IER3IP1: variants seen among roughly 807,000 people sequenced by gnomAD.
The protein encoded by IER3IP1 is immediate early response 3-interacting protein 1.
In IER3IP1, 16 loss-of-function variants were observed where a neutral mutation model predicts 12.2. The observed-to-expected ratio is 1.31, with a 90% CI of 0.89 to 1.99. The LOEUF (loss-of-function observed/expected upper bound fraction) is 1.99. Among genes scored for constraint, IER3IP1 ranks in the 30% most tolerant of loss-of-function variants. The pLI, the probability that IER3IP1 is intolerant of heterozygous loss-of-function variation, is 0.00. For missense variants in IER3IP1, 95 were observed against 95.8 expected, an observed-to-expected ratio of 0.99 and a Z score of 0.03; for synonymous variants, 42 against 40.0, an observed-to-expected ratio of 1.05 and a Z score of -0.19.
At chr18:47,158,892 GGT>G (rs1345894706) in intron 1 of IER3IP1, among the ~76,000 whole-genome samples, 3 of 152,028 alleles carry the variant, frequency 2.0e-5, no homozygotes, top group Non-Finnish European at 4.4e-5. Flanking sequence ...ACCTGGGGGA[GGT>G]TAAGGCTGCA....
chr18:47,176,346 A>T lies in IER3IP1; in HGVS notation c.-69T>A, dbSNP rs1029949053. The T allele has an allele frequency of 3.6e-6, 5 of 1,391,886 alleles. No homozygotes were observed. Among genetic ancestry groups the T allele is most frequent in the East Asian group, 4.9e-5 (2 of 40,492 alleles). The allele number at this position is 1,391,886 out of a possible 1,614,324, so 86.2% of individuals were successfully genotyped here. A position where few individuals can be genotyped will look rare whatever the true frequency, so the allele number is the denominator to read the frequency against. On this transcript the variant is annotated 5_prime_UTR_variant, in exon 1 of 3. Transcript: ENST00000256433. Reference sequence around the variant, plus strand: ...CCGCCGCAAGGGACGTGGCGCCTCCACGGCCGGCGCCTTCCTACGGAAGCC... The same window carrying T: ...CCGCCGCAAGGGACGTGGCGCCTCCTCGGCCGGCGCCTTCCTACGGAAGCC...
At position 47,155,901 on chromosome 18, in the gene IER3IP1, A is replaced by C. The variant is rs1459795001; in HGVS notation, c.*276T>G. ...AGCAACAGTCTTGCACCCTTTTAAC[A>C]ATCTCACCACAGCATGAACTACTAT... On this transcript the variant is annotated 3_prime_UTR_variant, in exon 3 of 3. Coordinates refer to ENST00000256433, the MANE Select transcript of IER3IP1 (RefSeq NM_016097.5). The C allele has an allele frequency of 1.9e-5, 6 of 309,014 alleles. No individual in the cohort carries two copies. Among genetic ancestry groups the C allele is most frequent in the Admixed American group, 4.7e-5 (1 of 21,324 alleles). The allele number at this position is 309,014 out of a possible 1,614,324, so 19.1% of individuals were successfully genotyped here.
chr18:47,175,826 G>C (rs1251487920), intron 1 of IER3IP1, among the ~76,000 whole-genome samples: 3 of 151,754 alleles, frequency 2.0e-5, no homozygotes, highest in African/African-American at 7.3e-5. Context: ...GTAGTCACAG[G>C]ACCGCGACAC....
Position 47,155,840 on chromosome 18 carries a change from A to G in IER3IP1, c.*337T>C, listed in dbSNP as rs967970349. The G allele has an allele frequency of 7.2e-5, 13 of 180,166 alleles. No individual in the cohort carries two copies. The highest frequency in any genetic ancestry group is 2.8e-4 in the African/African-American group (12 of 42,470). 11.2% of individuals were successfully genotyped at this position (180,166 alleles called of 1,614,324 possible). On this transcript the variant is annotated 3_prime_UTR_variant, in exon 3 of 3. Coordinates refer to ENST00000256433, the MANE Select transcript of IER3IP1 (RefSeq NM_016097.5). ...ACTTTGAAAAAGAATTTCATCCCTG[A>G]GAAGTGAGAGATAGAAAAATATCTA...
At chr18:47,168,074 C>T (rs1371776967) in intron 1 of IER3IP1, among the ~76,000 whole-genome samples, 2 of 139,548 alleles carry the variant, frequency 1.4e-5, no homozygotes, top group East Asian at 2.2e-4. Context: ...TGCAGTGAGC[C>T]GGGATCGTGC....
At chr18:47,164,017 A>T (rs1191893920) in intron 1 of IER3IP1, among the ~76,000 whole-genome samples, 1 of 152,144 alleles carries the variant, frequency 6.6e-6, no homozygotes, top group African/African-American at 2.4e-5. Context: ...TACTATATGG[A>T]TTATGCACTC....
chr18:47,158,102 C>G (rs1318653349), intron 1 of IER3IP1, among the ~76,000 whole-genome samples: 1 of 152,120 alleles, frequency 6.6e-6, no homozygotes, highest in African/African-American at 2.4e-5. Context: ...TCCAAAAGAT[C>G]AAAATCCTGA....
At position 47,165,889 on chromosome 18, in the gene IER3IP1, T is replaced by C. The variant is rs116710381; in HGVS notation, c.92-8352A>G. Reference sequence around the variant, plus strand: ...TCCAGGCTCCAGAACAGTGAGAAAATTGTTTAAGCTACCCAGTCTATAGTA... The same window carrying C: ...TCCAGGCTCCAGAACAGTGAGAAAACTGTTTAAGCTACCCAGTCTATAGTA... On this transcript the variant is annotated intron_variant, in intron 1 of 2. Coordinates refer to ENST00000256433, the MANE Select transcript of IER3IP1 (RefSeq NM_016097.5). Among the ~76,000 whole-genome samples the C allele has an allele frequency of 7.4e-3, 1,122 of 152,276 alleles. 9 individuals are homozygous for C. Among genetic ancestry groups the C allele is most frequent in the African/African-American group, 0.025 (1,032 of 41,536 alleles).
intron 1 of IER3IP1, among the ~76,000 whole-genome samples, chr18:47,161,655 T>C (rs1450596923): frequency 6.6e-6 from 1 of 152,104 alleles, no homozygotes; most frequent in Non-Finnish European, 1.5e-5. Flanking sequence ...TCCCCAACCT[T>C]TGTGGCACCA....
rs560609762 is a variant in IER3IP1 at position 47,175,969 on chromosome 18, C to T, written c.91+218G>A. Among the ~76,000 whole-genome samples, 81 of 152,288 alleles carry T rather than the reference C, an allele frequency of 5.3e-4. 1 individual carries two copies. The East Asian group carries it at 0.014, about 26-fold the overall frequency. ...CTGACTGACTTCTATATCCCTCCAC[C>T]CCAACCCCCTGGGCCCTGCACAGCG... On this transcript the variant is annotated intron_variant, in intron 1 of 2. Transcript: ENST00000256433.
intron 1 of IER3IP1, among the ~76,000 whole-genome samples, chr18:47,173,271 A>G (rs2064020833): frequency 6.6e-6 from 1 of 152,220 alleles, no homozygotes; most frequent in African/African-American, 2.4e-5. Flanking sequence ...TCAGTGGCTT[A>G]ACCCAGAGGG....
intron 1 of IER3IP1, among the ~76,000 whole-genome samples, chr18:47,164,338 T>C (rs1287782753): frequency 6.6e-6 from 1 of 152,028 alleles, no homozygotes; most frequent in Non-Finnish European, 1.5e-5. Context: ...GTCTAGATAT[T>C]CCACATACAA....
chr18:47,173,253 C>A (rs1312923669), intron 1 of IER3IP1, among the ~76,000 whole-genome samples: 1 of 152,202 alleles, frequency 6.6e-6, no homozygotes, highest in Non-Finnish European at 1.5e-5. Flanking sequence ...AAAGGTATTA[C>A]CCTTCACTCA....
Position 47,176,212 on chromosome 18 carries a change from C to T in IER3IP1, c.66G>A (p.Leu22=), listed in dbSNP as rs1021991165. The change falls in exon 1 of 3, where the codon CTG becomes CTA. Residue 22 remains leucine (L), a synonymous_variant. Transcript: ENST00000256433. ...ALLCVNAIAV[L]HEERFLKNIG... ...TGTTCTTGAGGAATCGCTCCTCGTG[C>T]AGCACTGCGATGGCGTTGACGCAGA... 6.2e-7 allele frequency: 1 copy of T among 1,605,424 alleles called. No individual in the cohort carries two copies.
At chr18:47,159,936 C>CTA (rs2063974533) in intron 1 of IER3IP1, among the ~76,000 whole-genome samples, 2 of 151,870 alleles carry the variant, frequency 1.3e-5, no homozygotes, top group Admixed American at 1.3e-4. Context: ...TGGCTCACAC[C>CTA]TATAATCCCA....
chr18:47,161,894 G>A (rs1407534305), intron 1 of IER3IP1, among the ~76,000 whole-genome samples: 1 of 151,544 alleles, frequency 6.6e-6, no homozygotes, highest in Non-Finnish European at 1.5e-5. Context: ...GGGAGACAGT[G>A]ATAGATCATC....
intron 1 of IER3IP1, among the ~76,000 whole-genome samples, chr18:47,173,067 G>A (rs1281753266): frequency 6.6e-6 from 1 of 151,946 alleles, no homozygotes; most frequent in Non-Finnish European, 1.5e-5. Flanking sequence ...TTCAATCTCC[G>A]CCCTAATTCG....
intron 1 of IER3IP1, among the ~76,000 whole-genome samples, chr18:47,161,688 A>G (rs1047559187): frequency 1.3e-5 from 2 of 152,114 alleles, no homozygotes; most frequent in South Asian, 2.1e-4. Flanking sequence ...ATGGAAGACA[A>G]TTTTTCCACA....
At chr18:47,157,585 C>A (rs775568466) in intron 1 of IER3IP1, 48 bp from the exon 2 acceptor site, 3 of 1,500,570 alleles carry the variant, frequency 2.0e-6, no homozygotes, top group Non-Finnish European at 2.8e-6. Context: ...ACACACTTGC[C>A]TTCCTCCCTG....
Sources: gnomAD v4.1 joint callset for allele counts (sites outside exome capture counted in the v4.1 genomes callset) on GRCh38, gnomAD v4.1.1 for gene constraint, MANE v1.5 for transcripts, NCBI Gene and HGNC (gene_info 2026-07-23, HGNC 2026-07-21) for gene names.